NKAIN3: variants seen among roughly 807,000 people sequenced by gnomAD.
NKAIN3 encodes sodium/potassium-transporting ATPase subunit beta-1-interacting protein 3.
In NKAIN3, 25 loss-of-function variants were observed where a neutral mutation model predicts 30.2. That is an observed-to-expected ratio of 0.83 (90% CI 0.60 to 1.16). The LOEUF is 1.16. Ranked by LOEUF, NKAIN3 falls within the 50% of genes most tolerant of loss-of-function variation. The pLI is 0.00. For missense variants in NKAIN3, 225 were observed against 254.1 expected, an observed-to-expected ratio of 0.89 and a Z score of 0.78; for synonymous variants, 91 against 89.6, an observed-to-expected ratio of 1.02 and a Z score of -0.09.
intron 3 of NKAIN3, among the ~76,000 whole-genome samples, chr8:62,669,886 G>A (rs1813245279): frequency 6.6e-6 from 1 of 152,146 alleles, no homozygotes; most frequent in Non-Finnish European, 1.5e-5. Context: ...ACCAGCTACT[G>A]ACTGGAGAGT....
At chr8:62,952,734 G>A (rs148652937) in intron 5 of NKAIN3, among the ~76,000 whole-genome samples, 1 of 152,258 alleles carries the variant, frequency 6.6e-6, no homozygotes, top group East Asian at 1.9e-4. Context: ...TAATTGAAAG[G>A]TTACAGAAAA....
intron 3 of NKAIN3, among the ~76,000 whole-genome samples, chr8:62,734,397 T>C (rs2130551893): frequency 6.6e-6 from 1 of 152,368 alleles, no homozygotes; most frequent in Middle Eastern, 3.4e-3. Flanking sequence ...TAATTTTTTT[T>C]CCTTTTGGAT....
intron 3 of NKAIN3, among the ~76,000 whole-genome samples, chr8:62,643,440 C>G (rs1042600289): frequency 2.6e-5 from 4 of 151,994 alleles, no homozygotes; most frequent in African/African-American, 9.7e-5. Flanking sequence ...AGTTGAATAC[C>G]GATGTGGAGA....
At chr8:62,838,823 A>G (rs144388364) in intron 4 of NKAIN3, among the ~76,000 whole-genome samples, 1 of 152,240 alleles carries the variant, frequency 6.6e-6, no homozygotes, top group Non-Finnish European at 1.5e-5. Flanking sequence ...GCCAGACAAT[A>G]TTTTTGTTTC....
chr8:62,864,043 T>C (rs1055152465), intron 4 of NKAIN3: 3 of 701,126 alleles, frequency 4.3e-6, no homozygotes, highest in Non-Finnish European at 7.8e-6. Context: ...CGGCCTCCGC[T>C]TTTGGGCCTG....
At chr8:62,886,500 A>G (rs1821152216) in intron 4 of NKAIN3, among the ~76,000 whole-genome samples, 1 of 152,048 alleles carries the variant, frequency 6.6e-6, no homozygotes, top group Non-Finnish European at 1.5e-5. Flanking sequence ...TCTCTAACCT[A>G]TATTACTTTA....
At chr8:62,884,658 C>A (rs781605009) in intron 4 of NKAIN3, among the ~76,000 whole-genome samples, 12 of 149,562 alleles carry the variant, frequency 8.0e-5, no homozygotes, top group African/African-American at 3.0e-4. Flanking sequence ...TTATAGATTC[C>A]GTTTCTTTAA....
At chr8:62,748,940 G>A (rs1370902832) in intron 4 of NKAIN3, among the ~76,000 whole-genome samples, 1 of 151,894 alleles carries the variant, frequency 6.6e-6, no homozygotes, top group African/African-American at 2.4e-5. Context: ...ATACAAAATT[G>A]TGGCAAAATA....
At chr8:62,833,806 T>G (rs1395968242) in intron 4 of NKAIN3, among the ~76,000 whole-genome samples, 1 of 151,848 alleles carries the variant, frequency 6.6e-6, no homozygotes, top group Non-Finnish European at 1.5e-5. Flanking sequence ...GGGGAGGGAC[T>G]CCTCCCTAAC....
At chr8:62,949,558 G>T (rs886369241) in intron 5 of NKAIN3, among the ~76,000 whole-genome samples, 1 of 152,112 alleles carries the variant, frequency 6.6e-6, no homozygotes, top group Non-Finnish European at 1.5e-5. Flanking sequence ...CTGGAAGTTG[G>T]CACAGGAAGA....
At chr8:62,668,119 C>G (rs1180184873) in intron 3 of NKAIN3, among the ~76,000 whole-genome samples, 6 of 151,772 alleles carry the variant, frequency 4.0e-5, no homozygotes, top group Non-Finnish European at 8.8e-5. Flanking sequence ...CATACACACA[C>G]ACACACACAC....
intron 1 of NKAIN3, among the ~76,000 whole-genome samples, chr8:62,487,310 G>T (rs1311410179): frequency 2.0e-5 from 3 of 152,128 alleles, no homozygotes; most frequent in African/African-American, 7.2e-5. Context: ...TGCTTTCTTT[G>T]TAATCAGCAG....
rs116942934 is a variant in NKAIN3, at chr8:62,808,475, C to T, written c.471+61346C>T. 5.9e-3 allele frequency among the ~76,000 whole-genome samples: 891 copies of T among 152,176 alleles called. 3 individuals carry two copies. The highest frequency in any genetic ancestry group is 9.4e-3 in the Non-Finnish European group (638 of 68,000). On this transcript the variant is annotated intron_variant, in intron 4 of 6. Coordinates refer to ENST00000623646, the MANE Select transcript of NKAIN3 (RefSeq NM_001304533.3). ...GCATTCCCTATCAGGGGAAACCAGCCCCTGATATTTCAACGTAGGTTCTTT... is the reference window on the plus strand; with the variant it reads ...GCATTCCCTATCAGGGGAAACCAGCTCCTGATATTTCAACGTAGGTTCTTT...
chr8:62,863,621 AC>A, intron 4 of NKAIN3: 1 of 1,199,084 alleles, frequency 8.3e-7, no homozygotes, highest in Non-Finnish European at 1.2e-6. Context: ...GAGCTGGATC[AC>A]CATGTCTTTG....
At chr8:62,422,351 T>C (rs1175180893) in intron 1 of NKAIN3, among the ~76,000 whole-genome samples, 1 of 152,144 alleles carries the variant, frequency 6.6e-6, no homozygotes. Flanking sequence ...AATCTTTCTC[T>C]TGTTATGGCA....
chr8:62,472,682 A>G (rs994044099), intron 1 of NKAIN3, among the ~76,000 whole-genome samples: 1 of 152,206 alleles, frequency 6.6e-6, no homozygotes, highest in Non-Finnish European at 1.5e-5. Context: ...TCCAGGGAAG[A>G]ATAAGTCCAT....
At chr8:62,763,255 A>G (rs939654120) in intron 4 of NKAIN3, among the ~76,000 whole-genome samples, 6 of 145,056 alleles carry the variant, frequency 4.1e-5, no homozygotes, top group Non-Finnish European at 9.0e-5. Context: ...AAAAAAAAAA[A>G]AAAAAACTTA....
intron 4 of NKAIN3, among the ~76,000 whole-genome samples, chr8:62,800,471 C>G (rs1303428354): frequency 2.0e-5 from 3 of 151,998 alleles, no homozygotes; most frequent in Non-Finnish European, 4.4e-5. Flanking sequence ...GCTATGACCT[C>G]AGATCTATTT....
intron 1 of NKAIN3, among the ~76,000 whole-genome samples, chr8:62,476,896 G>A (rs1213082146): frequency 6.6e-6 from 1 of 152,172 alleles, no homozygotes; most frequent in Admixed American, 6.5e-5. Flanking sequence ...ATTGTCAGCA[G>A]AAAGAAATAA....
Sources: allele counts gnomAD v4.1 joint callset (sites outside exome capture counted in the v4.1 genomes callset), GRCh38; gene constraint gnomAD v4.1.1; transcripts MANE v1.5; gene names NCBI Gene and HGNC (gene_info 2026-07-23, HGNC 2026-07-21).